The following KAZN variants were observed in gnomAD, a reference collection of about 807,000 sequenced individuals.
KAZN encodes kazrin, periplakin interacting protein, also known as kazrin.
A neutral mutation model predicts 87.4 loss-of-function variants in KAZN; 40 were observed. The ratio of observed to expected loss-of-function variants is 0.46; its 90% confidence interval spans 0.36 to 0.60. KAZN has a LOEUF of 0.60. KAZN is among the 20% of genes least tolerant of loss of function. KAZN has a pLI of 0.00. For synonymous variants in KAZN, 466 were observed against 458.3 expected, an observed-to-expected ratio of 1.02 and a Z score of -0.22; for missense variants, 898 against 1,073.9, an observed-to-expected ratio of 0.84 and a Z score of 2.29.
intron 1 of KAZN, among the ~76,000 whole-genome samples, chr1:14,130,735 C>A (rs717538): frequency 0.57 from 86,784 of 151,900 alleles, 26,042 homozygotes; most frequent in East Asian, 0.76. Context: ...CCTGATATTA[C>A]CACTGAGTGT....
intron 2 of KAZN, among the ~76,000 whole-genome samples, chr1:14,995,848 G>T (rs574155587): frequency 1.3e-5 from 2 of 152,102 alleles, no homozygotes; most frequent in Admixed American, 6.6e-5. Context: ...ACTGGTGACC[G>T]ACAGAGAGAT....
chr1:14,203,033 T>C (rs183466780), intron 2 of KAZN, among the ~76,000 whole-genome samples: 4 of 151,910 alleles, frequency 2.6e-5, no homozygotes, highest in African/African-American at 9.7e-5. Context: ...TCATCATAGA[T>C]AGGAAAGTGT....
At chr1:13,927,476 A>C (rs1259791098) in intron 1 of KAZN, among the ~76,000 whole-genome samples, 2 of 152,208 alleles carry the variant, frequency 1.3e-5, no homozygotes, top group African/African-American at 4.8e-5. Flanking sequence ...TAGCTGGGCA[A>C]AGAACCATCA....
chr1:14,965,982 C>CTTTTTTTTTTTTT (rs71306999), intron 2 of KAZN, among the ~76,000 whole-genome samples: 1 of 129,190 alleles, frequency 7.7e-6, no homozygotes, highest in Non-Finnish European at 1.6e-5. Context: ...CTTTCCTTTT[C>CTTTTTTTTTTTTT]TTTTTTTTTT....
At chr1:14,150,845 T>C (rs576705373) in intron 1 of KAZN, among the ~76,000 whole-genome samples, 1 of 152,330 alleles carries the variant, frequency 6.6e-6, no homozygotes, top group East Asian at 1.9e-4. Flanking sequence ...TTTTAAATAA[T>C]TGTAATCTAA....
At chr1:14,775,545 C>A (rs1468125694) in intron 1 of KAZN, among the ~76,000 whole-genome samples, 1 of 152,210 alleles carries the variant, frequency 6.6e-6, no homozygotes, top group African/African-American at 2.4e-5. Context: ...ATCATGAGAA[C>A]CTGGGCTCCT....
At chr1:14,420,883 T>TCCCTCCACACCTCTCCCTCCACACCTC (rs1665368751) in intron 2 of KAZN, among the ~76,000 whole-genome samples, 3 of 146,920 alleles carry the variant, frequency 2.0e-5, no homozygotes, top group Non-Finnish European at 4.5e-5. Flanking sequence ...CCCGCACCTC[T>TCCCTCCACACCTCTCCCTCCACACCTC]CCCTCCACAC....
intron 2 of KAZN, among the ~76,000 whole-genome samples, chr1:14,503,212 G>C (rs1232010702): frequency 6.6e-6 from 1 of 151,940 alleles, no homozygotes; most frequent in African/African-American, 2.4e-5. Context: ...GGCCGTGCGT[G>C]GTGGCTCGTG....
chr1:15,062,101 A>C (rs1638848187), intron 6 of KAZN: 1 of 152,226 alleles, frequency 6.6e-6, no homozygotes, highest in East Asian at 1.9e-4. Context: ...GGACTCTGGC[A>C]GCAGAAATGC....
At chr1:14,616,289 C>G (rs1678232478) in intron 1 of KAZN, among the ~76,000 whole-genome samples, 1 of 152,074 alleles carries the variant, frequency 6.6e-6, no homozygotes, top group African/African-American at 2.4e-5. Flanking sequence ...ATGCGGTGTC[C>G]CAGCTGCTAC....
intron 2 of KAZN, among the ~76,000 whole-genome samples, chr1:14,273,368 C>G (rs1652102794): frequency 6.6e-6 from 1 of 152,064 alleles, no homozygotes; most frequent in African/African-American, 2.4e-5. Flanking sequence ...AGCTTTTTCT[C>G]TGGTCTCCTG....
intron 1 of KAZN, among the ~76,000 whole-genome samples, chr1:14,896,812 C>A (rs1227295907): frequency 6.6e-6 from 1 of 152,172 alleles, no homozygotes; most frequent in Non-Finnish European, 1.5e-5. Flanking sequence ...AAGAATGTAA[C>A]ATTCTTGTAA....
chr1:14,991,316 C>T (rs1667338343), intron 2 of KAZN, among the ~76,000 whole-genome samples: 1 of 150,648 alleles, frequency 6.6e-6, no homozygotes, highest in Admixed American at 6.6e-5. Context: ...GATCGCACCA[C>T]TGCACTCCAG....
intron 1 of KAZN, among the ~76,000 whole-genome samples, chr1:14,952,429 G>T (rs1572906258): frequency 2.0e-5 from 3 of 152,244 alleles, no homozygotes; most frequent in African/African-American, 7.2e-5. Flanking sequence ...GATTTATTTT[G>T]CAGGGAGGGC....
At chr1:14,337,424 G>A (rs182463982) in intron 2 of KAZN, among the ~76,000 whole-genome samples, 1 of 152,314 alleles carries the variant, frequency 6.6e-6, no homozygotes, top group Admixed American at 6.5e-5. Context: ...AGGAAAATAT[G>A]TTTAGAACCC....
At chr1:13,972,424 G>A (rs1049131266) in intron 1 of KAZN, among the ~76,000 whole-genome samples, 2 of 152,076 alleles carry the variant, frequency 1.3e-5, no homozygotes, top group Non-Finnish European at 2.9e-5. Context: ...CCAGCATCTT[G>A]TGGGATGGAA....
intron 1 of KAZN, among the ~76,000 whole-genome samples, chr1:14,828,848 AG>A (rs1186111496): frequency 6.6e-6 from 1 of 152,216 alleles, no homozygotes; most frequent in African/African-American, 2.4e-5. Context: ...AGATGGCTGC[AG>A]ATGCTCCAAG....
intron 1 of KAZN, among the ~76,000 whole-genome samples, chr1:14,771,474 C>CTCA (rs1208693127): frequency 6.6e-6 from 1 of 152,134 alleles, no homozygotes; most frequent in African/African-American, 2.4e-5. Context: ...TATTTCCCTT[C>CTCA]TCATCTTGCA....
At chr1:13,958,919 T>C (rs1641650974) in intron 1 of KAZN, among the ~76,000 whole-genome samples, 2 of 151,922 alleles carry the variant, frequency 1.3e-5, no homozygotes. Context: ...ACTAGATTGG[T>C]GAGGTCTGAC....
Sources: gnomAD v4.1 joint callset for allele counts (sites outside exome capture counted in the v4.1 genomes callset) on GRCh38, gnomAD v4.1.1 for gene constraint, MANE v1.5 for transcripts, NCBI Gene and HGNC (gene_info 2026-07-23, HGNC 2026-07-21) for gene names.